The following GABRA2 variants were observed in gnomAD, a reference collection of about 807,000 sequenced individuals.
The protein encoded by GABRA2 is gamma-aminobutyric acid type A receptor subunit alpha2.
A neutral mutation model predicts 48.7 loss-of-function variants in GABRA2; 16 were observed. That is an observed-to-expected ratio of 0.33 (90% CI 0.22 to 0.50). The LOEUF (loss-of-function observed/expected upper bound fraction) is 0.50. GABRA2 is among the 20% of genes least tolerant of loss of function. GABRA2 has a pLI of 0.98. For synonymous variants in GABRA2, 185 were observed against 184.5 expected, an observed-to-expected ratio of 1.00 and a Z score of -0.02; for missense variants, 275 against 535.6, an observed-to-expected ratio of 0.51 and a Z score of 4.80.
intron 3 of GABRA2, among the ~76,000 whole-genome samples, chr4:46,346,736 C>G (rs1169232617): frequency 6.6e-6 from 1 of 151,196 alleles, no homozygotes; most frequent in Non-Finnish European, 1.5e-5. Context: ...AACAAGAATG[C>G]CTGTATGTGC....
intron 8 of GABRA2, among the ~76,000 whole-genome samples, chr4:46,265,977 A>G (rs1265207986): frequency 1.3e-5 from 2 of 151,870 alleles, no homozygotes; most frequent in Non-Finnish European, 2.9e-5. Context: ...AAATTTTCCA[A>G]ATTGTCTTTT....
At chr4:46,361,797 C>T (rs1158317580) in intron 3 of GABRA2, among the ~76,000 whole-genome samples, 5 of 152,240 alleles carry the variant, frequency 3.3e-5, no homozygotes, top group Non-Finnish European at 5.9e-5. Flanking sequence ...TGGTAGCCCA[C>T]CTCTTGCATC....
chr4:46,329,575 GTTTC>G (rs1404183548), intron 4 of GABRA2, among the ~76,000 whole-genome samples: 2 of 152,104 alleles, frequency 1.3e-5, no homozygotes, highest in East Asian at 3.9e-4. Context: ...CCAGTCTTCA[GTTTC>G]TTTCTGATTT....
chr4:46,263,566 C>T (rs1234615411), intron 8 of GABRA2, among the ~76,000 whole-genome samples: 4 of 152,070 alleles, frequency 2.6e-5, no homozygotes, highest in Non-Finnish European at 4.4e-5. Context: ...CTCTGTACTC[C>T]AAATTTTATA....
intron 3 of GABRA2, chr4:46,369,016 A>T (rs1396798642): frequency 1.4e-6 from 1 of 700,768 alleles, no homozygotes; most frequent in East Asian, 2.7e-5. Flanking sequence ...ACTGGGAAAG[A>T]AGAAAGCTAT....
intron 8 of GABRA2, among the ~76,000 whole-genome samples, chr4:46,291,440 G>C (rs1723600485): frequency 6.6e-6 from 1 of 152,016 alleles, no homozygotes; most frequent in South Asian, 2.1e-4. Context: ...ATTGATCCTG[G>C]GTGCGTCTGT....
At chr4:46,353,691 T>C (rs1236926343) in intron 3 of GABRA2, among the ~76,000 whole-genome samples, 1 of 152,136 alleles carries the variant, frequency 6.6e-6, no homozygotes, top group Non-Finnish European at 1.5e-5. Flanking sequence ...CTCCTTCAAA[T>C]TTCTATAAGC....
At chr4:46,316,760 G>C (rs546344679) in intron 4 of GABRA2, among the ~76,000 whole-genome samples, 1 of 151,950 alleles carries the variant, frequency 6.6e-6, no homozygotes, top group South Asian at 2.1e-4. Flanking sequence ...AAAAATTCTA[G>C]TTTTCTCCTC....
chr4:46,323,310 A>G (rs913574351), intron 4 of GABRA2, among the ~76,000 whole-genome samples: 2 of 151,884 alleles, frequency 1.3e-5, no homozygotes, highest in Non-Finnish European at 2.9e-5. Flanking sequence ...GAACTTTCAC[A>G]TTTTACTAAA....
intron 3 of GABRA2, among the ~76,000 whole-genome samples, chr4:46,333,694 A>T (rs1443371120): frequency 6.6e-6 from 1 of 152,106 alleles, no homozygotes; most frequent in Admixed American, 6.6e-5. Context: ...ACTACATACC[A>T]GGTACTCTTT....
chr4:46,344,977 C>T (rs539369612), intron 3 of GABRA2, among the ~76,000 whole-genome samples: 2 of 151,994 alleles, frequency 1.3e-5, no homozygotes, highest in East Asian at 1.9e-4. Flanking sequence ...TGTCCCCACC[C>T]AAATTTCATC....
Position 46,389,969 on chromosome 4 carries a change from G to C in GABRA2, c.-245C>G, listed in dbSNP as rs1405249604. 1 of 988,288 alleles carries C rather than the reference G, an allele frequency of 1.0e-6. No individual in the cohort carries two copies. Among genetic ancestry groups the C allele is most frequent in the East Asian group, 1.1e-4 (1 of 8,724 alleles). 61.2% of individuals were successfully genotyped at this position (988,288 alleles called of 1,614,324 possible). A position where few individuals can be genotyped will look rare whatever the true frequency, so the allele number is the denominator to read the frequency against. On this transcript the variant is annotated 5_prime_UTR_variant, in exon 1 of 10. Transcript: ENST00000381620. The stretch of plus-strand genomic sequence containing the variant: ...GCGAGGTGTAGAAGGAGGCGAAGGC[G>C]TTCGTAGTGGCGGTGATGGGCGGAG...
At chr4:46,297,345 C>A (rs1490395089) in intron 8 of GABRA2, among the ~76,000 whole-genome samples, 1 of 151,422 alleles carries the variant, frequency 6.6e-6, no homozygotes, top group Non-Finnish European at 1.5e-5. Context: ...CTGGATGCTT[C>A]CTGTCCTCAA....
intron 3 of GABRA2, among the ~76,000 whole-genome samples, chr4:46,338,379 A>T (rs888828758): frequency 2.0e-5 from 3 of 151,926 alleles, no homozygotes; most frequent in Admixed American, 2.0e-4. Context: ...TTCTAAGTAC[A>T]TAATCATCTG....
At chr4:46,261,828 T>C (rs1717035654) in intron 9 of GABRA2, 98 bp downstream of exon 9, 2 of 958,792 alleles carry the variant, frequency 2.1e-6, no homozygotes, top group African/African-American at 1.7e-5. Flanking sequence ...CATATATATA[T>C]GGATGTCTTT....
At chr4:46,262,429 C>T (rs183254023) in intron 8 of GABRA2, among the ~76,000 whole-genome samples, 42 of 152,010 alleles carry the variant, frequency 2.8e-4, no homozygotes, top group Non-Finnish European at 4.9e-4. Context: ...CTAGGGATAC[C>T]GAAGTAGAAT....
At chr4:46,378,899 CACTT>C in intron 3 of GABRA2, among the ~76,000 whole-genome samples, 1 of 151,994 alleles carries the variant, frequency 6.6e-6, no homozygotes, top group East Asian at 1.9e-4. Flanking sequence ...TTTTGCCTGA[CACTT>C]GCTGTATGGG....
chr4:46,387,814 T>C (rs556451268), intron 2 of GABRA2, among the ~76,000 whole-genome samples: 4 of 152,250 alleles, frequency 2.6e-5, no homozygotes, highest in African/African-American at 7.2e-5. Context: ...TAAAGACTTA[T>C]TAGATTTTTA....
At chr4:46,266,623 T>C (rs1179548619) in intron 8 of GABRA2, among the ~76,000 whole-genome samples, 1 of 151,584 alleles carries the variant, frequency 6.6e-6, no homozygotes, top group East Asian at 1.9e-4. Context: ...TCTTAGCGTT[T>C]ACTTTATTTC....
Sources: gnomAD v4.1 joint callset for allele counts (sites outside exome capture counted in the v4.1 genomes callset) on GRCh38, gnomAD v4.1.1 for gene constraint, MANE v1.5 for transcripts, NCBI Gene and HGNC (gene_info 2026-07-23, HGNC 2026-07-21) for gene names.